Variants in MAN2A1 observed in about 807,000 individuals in gnomAD.
The protein encoded by MAN2A1 is alpha-mannosidase 2.
Under a neutral mutation model 142.6 loss-of-function variants are expected in MAN2A1, and 76 were observed. That is an observed-to-expected ratio of 0.53 (90% CI 0.44 to 0.65). The LOEUF is 0.65. Among genes scored for constraint, MAN2A1 ranks in the 30% least tolerant of loss-of-function variants. The pLI, the probability that MAN2A1 is intolerant of heterozygous loss-of-function variation, is 0.00. For missense variants in MAN2A1, 1,311 were observed against 1,365.1 expected (o/e 0.96, Z 0.62); for synonymous variants, 559 against 473.2 (o/e 1.18, Z -2.35).
intron 19 of MAN2A1, among the ~76,000 whole-genome samples, chr5:109,849,504 T>G (rs1035235247): frequency 6.6e-6 from 1 of 152,068 alleles, no homozygotes; most frequent in African/African-American, 2.4e-5. Context: ...GATAGACACT[T>G]CTCCCCATCA....
chr5:109,774,788 G>T lies in MAN2A1; in HGVS notation c.1197G>T (p.Arg399Ser). ...TTTTTTGTGTTTGTTTTTTTTGTAG[G>T]GCTCGGATGCTACTAGATCAGTACC... The part of the protein sequence containing the change: ...ETIHPGNVQS[R>S]ARMLLDQYRK... The change falls in exon 8 of 22, where the codon AGG becomes AGT. Residue 399 changes from arginine (R) to serine (S), a missense_variant and splice_region_variant. Coordinates refer to ENST00000261483, the MANE Select transcript of MAN2A1 (RefSeq NM_002372.4). The T allele has an allele frequency of 6.3e-7, 1 of 1,586,506 alleles. No homozygotes were observed. Among genetic ancestry groups the T allele is most frequent in the Non-Finnish European group, 8.5e-7 (1 of 1,171,058 alleles).
intron 12 of MAN2A1, among the ~76,000 whole-genome samples, chr5:109,800,384 A>C (rs1753989015): frequency 6.6e-6 from 1 of 152,104 alleles, no homozygotes; most frequent in African/African-American, 2.4e-5. Context: ...GGTCTTGTTC[A>C]TTATTCCAAA....
intron 16 of MAN2A1, among the ~76,000 whole-genome samples, chr5:109,831,805 A>ATGTGTGTGTGTGTG (rs55738132): frequency 3.4e-4 from 49 of 144,884 alleles, no homozygotes; most frequent in African/African-American, 1.2e-3. Context: ...AACAAAAATC[A>ATGTGTGTGTGTGTG]TGTGTGTGTG....
intron 1 of MAN2A1, among the ~76,000 whole-genome samples, chr5:109,712,629 T>C (rs1304532910): frequency 6.6e-6 from 1 of 152,154 alleles, no homozygotes; most frequent in African/African-American, 2.4e-5. Flanking sequence ...TTAATGTGGG[T>C]TTTTTGAGGC....
At chr5:109,754,721 G>A (rs1309147840) in intron 4 of MAN2A1, among the ~76,000 whole-genome samples, 3 of 152,234 alleles carry the variant, frequency 2.0e-5, no homozygotes, top group Non-Finnish European at 4.4e-5. Flanking sequence ...CTAGATATGG[G>A]CTGGGCGTGG....
At chr5:109,772,237 C>A (rs3753175) in intron 7 of MAN2A1, among the ~76,000 whole-genome samples, 26,624 of 151,968 alleles carry the variant, frequency 0.18, 3,280 homozygotes, top group East Asian at 0.64. Context: ...TCTATGGCGG[C>A]GTGTGCCTGT....
rs1750632134 is a variant in MAN2A1 at position 109,690,441 on chromosome 5, C to T, written c.24C>T (p.Thr8=). The change falls in exon 1 of 22, where the codon ACC becomes ACT. Residue 8 remains threonine, a synonymous_variant. Coordinates refer to ENST00000261483, the MANE Select transcript of MAN2A1 (RefSeq NM_002372.4). MKLSRQF[T]VFGSAIFCVV... is the part of the protein sequence containing the mutation. ...AAATGAAGTTAAGCCGCCAGTTCAC[C>T]GTGTTCGGCAGTGCGATCTTCTGTG... The T allele has an allele frequency of 1.9e-6, 3 of 1,613,940 alleles. No homozygotes were observed. Among genetic ancestry groups the T allele is most frequent in the Non-Finnish European group, 1.7e-6 (2 of 1,179,930 alleles).
chr5:109,779,427 AT>A (rs1309598955), intron 8 of MAN2A1, among the ~76,000 whole-genome samples: 1 of 152,126 alleles, frequency 6.6e-6, no homozygotes, highest in African/African-American at 2.4e-5. Context: ...ACTCAGAAAT[AT>A]TTAGATCGTA....
At chr5:109,745,007 A>G (rs1310548380) in intron 4 of MAN2A1, among the ~76,000 whole-genome samples, 1 of 152,166 alleles carries the variant, frequency 6.6e-6, no homozygotes, top group East Asian at 1.9e-4. Flanking sequence ...ACAGAAGAGT[A>G]AATATTGTTT....
At chr5:109,754,906 C>T (rs1205516307) in intron 4 of MAN2A1, among the ~76,000 whole-genome samples, 3 of 152,344 alleles carry the variant, frequency 2.0e-5, no homozygotes, top group East Asian at 3.9e-4. Flanking sequence ...GAGGCTGAGG[C>T]AGGAGAATCG....
chr5:109,714,165 A>G (rs1413865183), intron 2 of MAN2A1, among the ~76,000 whole-genome samples: 2 of 147,634 alleles, frequency 1.4e-5, no homozygotes, highest in African/African-American at 2.6e-5. Context: ...TTTTGTACAA[A>G]GTAAGGTTAG....
chr5:109,713,520 G>A lies in MAN2A1; in HGVS notation c.136G>A (p.Gly46Ser), dbSNP rs139275194. The A allele has an allele frequency of 1.4e-4, 228 of 1,599,846 alleles. No individual in the cohort carries two copies. In the African/African-American group the frequency reaches 2.6e-3, roughly 18 times the overall value. The stretch of plus-strand genomic sequence containing the variant: ...GCTGCCTTTTTCTTTTTTATTGTAG[G>A]GCCAGCTCTCAATGTTGCAAGAAAA... The part of the protein sequence containing the change: ...NPRREGSFPQ[G>S]QLSMLQEKID... Residue 46 changes from glycine (G) to serine (S), a missense_variant and splice_region_variant, in exon 2 of 22, where the codon GGC becomes AGC. By Grantham distance (56) the Gly-to-Ser change is moderately conservative. Transcript: ENST00000261483.
At chr5:109,752,802 G>A (rs963780555) in intron 4 of MAN2A1, among the ~76,000 whole-genome samples, 4 of 152,144 alleles carry the variant, frequency 2.6e-5, no homozygotes, top group Admixed American at 1.3e-4. Flanking sequence ...TTTAAGTACA[G>A]ATAAGAATTC....
chr5:109,832,631 C>A (rs1008776559), intron 16 of MAN2A1, among the ~76,000 whole-genome samples: 6 of 152,228 alleles, frequency 3.9e-5, no homozygotes, highest in Non-Finnish European at 8.8e-5. Flanking sequence ...ACGTCCCCCC[C>A]TTCCACTCGA....
In MAN2A1 at chr5:109,845,817, A is replaced by G. The variant is rs202210703; in HGVS notation, c.2701-48A>G. The G allele has an allele frequency of 3.3e-6, 5 of 1,497,336 alleles. No individual in the cohort carries two copies. The African/African-American group carries it at 5.7e-5, about 17-fold the overall frequency. 92.8% of individuals were successfully genotyped at this position (1,497,336 alleles called of 1,614,324 possible). A position where few individuals can be genotyped will look rare whatever the true frequency, so the allele number is the denominator to read the frequency against. On this transcript the variant is annotated intron_variant, in intron 17 of 21. Coordinates refer to ENST00000261483, the MANE Select transcript of MAN2A1 (RefSeq NM_002372.4). ...CACCTGTCCTCAAGTTTTTAAAAGA[A>G]CATATGTAAATATCACTTTTTGTAG...
intron 16 of MAN2A1, among the ~76,000 whole-genome samples, chr5:109,826,222 T>G (rs67997427): frequency 0.17 from 25,921 of 151,996 alleles, 3,186 homozygotes; most frequent in East Asian, 0.64. Flanking sequence ...TCTTTTTTCA[T>G]GTGTTTCCTT....
chr5:109,817,376 G>A lies in MAN2A1; in HGVS notation c.2047G>A (p.Val683Met), dbSNP rs780616192. 1 of 1,614,134 alleles carries A rather than the reference G, an allele frequency of 6.2e-7. No homozygotes were observed. Among genetic ancestry groups the A allele is most frequent in the Non-Finnish European group, 8.5e-7 (1 of 1,180,010 alleles). Residue 683 changes from valine to methionine, a missense_variant, in exon 13 of 22, where the codon GTG (valine) becomes ATG (methionine). Physicochemically the swap from Val to Met is conservative, Grantham distance 21 (BLOSUM62 1). This residue lies in a region of MAN2A1 where 890 missense variants were observed against 920.5 expected (regional missense o/e 0.97). Coordinates refer to ENST00000261483, the MANE Select transcript of MAN2A1 (RefSeq NM_002372.4). ...VQVFSASGKP[V>M]EVQVSAVWDT... ...AGTGTTCTCTGCTTCAGGAAAACCT[G>A]TGGAAGTTCAAGTCAGCGCAGTTTG...
chr5:109,814,649 C>A (rs1389742977), intron 12 of MAN2A1, among the ~76,000 whole-genome samples: 1 of 152,026 alleles, frequency 6.6e-6, no homozygotes, highest in Non-Finnish European at 1.5e-5. Flanking sequence ...GTAGAAACAT[C>A]GTTATGGTCA....
At chr5:109,808,572 CAATTT>C (rs1754233887) in intron 12 of MAN2A1, among the ~76,000 whole-genome samples, 1 of 151,798 alleles carries the variant, frequency 6.6e-6, no homozygotes, top group Non-Finnish European at 1.5e-5. Context: ...TGTGTTCCCT[CAATTT>C]AATATTATAT....
Sources: allele counts gnomAD v4.1 joint callset (sites outside exome capture counted in the v4.1 genomes callset), GRCh38; gene constraint gnomAD v4.1.1; regional missense constraint gnomAD v4.1.1; transcripts MANE v1.5; gene names NCBI Gene and HGNC (gene_info 2026-07-23, HGNC 2026-07-21).